SP4: variants seen among roughly 807,000 people sequenced by gnomAD.
SP4 encodes Sp4 transcription factor, also known as transcription factor Sp4.
Under a neutral mutation model 72.8 loss-of-function variants are expected in SP4, and 19 were observed. The observed-to-expected ratio is 0.26, with a 90% CI of 0.18 to 0.38. The LOEUF is 0.38. Among genes scored for constraint, SP4 ranks in the 10% least tolerant of loss-of-function variants. The pLI is 1.00. For missense variants in SP4, 1,008 were observed against 926.3 expected (o/e 1.09, Z -1.14); for synonymous variants, 395 against 333.1 (o/e 1.19, Z -2.02).
rs1252723895 is a variant in SP4, at chr7:21,511,181, G to C, written c.2267G>C (p.Gly756Ala). ...GACTCATCTGTTACAGAGGTGCTTG[G>C]CTCCCCAAGAATTGTCACAGTTGCA... ...ELDSSVTEVL[G>A]SPRIVTVAAI... Residue 756 changes from glycine to alanine, a missense_variant, in exon 6 of 6, where the codon GGC (glycine) becomes GCC (alanine). Physicochemically the swap from Gly to Ala is moderately conservative, Grantham distance 60. Transcript: ENST00000222584. 2.5e-6 allele frequency: 4 copies of C among 1,613,954 alleles called. No individual in the cohort carries two copies. The highest frequency in any genetic ancestry group is 1.1e-5 in the South Asian group (1 of 91,088).
chr7:21,476,012 T>A (rs1784489723), intron 3 of SP4, among the ~76,000 whole-genome samples: 1 of 152,158 alleles, frequency 6.6e-6, no homozygotes, highest in Non-Finnish European at 1.5e-5. Flanking sequence ...GGCTCACACC[T>A]GTAATTCCAG....
At chr7:21,442,821 T>C (rs1466253112) in intron 3 of SP4, among the ~76,000 whole-genome samples, 1 of 152,190 alleles carries the variant, frequency 6.6e-6, no homozygotes, top group Non-Finnish European at 1.5e-5. Flanking sequence ...CTGCAGCCTC[T>C]GCCTTCCGGG....
chr7:21,512,254 A>T lies in SP4; in HGVS notation c.*985A>T, dbSNP rs961870781. 2 of 152,610 alleles carry T rather than the reference A, an allele frequency of 1.3e-5. No individual in the cohort carries two copies. The highest frequency in any genetic ancestry group is 4.8e-5 in the African/African-American group (2 of 41,458). The allele number at this position is 152,610 out of a possible 1,614,324, so 9.5% of individuals were successfully genotyped here. A position where few individuals can be genotyped will look rare whatever the true frequency, so the allele number is the denominator to read the frequency against. On this transcript the variant is annotated 3_prime_UTR_variant, in exon 6 of 6. Transcript: ENST00000222584. Reference sequence around the variant, plus strand: ...ATGTGGTAGCCAAAGAAAGAATTACACTTTTTTCCAAGGCCAGCAGAAAAT... The same window carrying T: ...ATGTGGTAGCCAAAGAAAGAATTACTCTTTTTTCCAAGGCCAGCAGAAAAT...
intron 5 of SP4, among the ~76,000 whole-genome samples, chr7:21,493,948 A>T (rs998084575): frequency 2.6e-5 from 4 of 152,228 alleles, no homozygotes; most frequent in Non-Finnish European, 5.9e-5. Context: ...AGGATAATGC[A>T]TTGTTACGTA....
At chr7:21,509,524 G>A (rs1782091387) in intron 5 of SP4, among the ~76,000 whole-genome samples, 1 of 151,536 alleles carries the variant, frequency 6.6e-6, no homozygotes, top group Admixed American at 6.6e-5. Flanking sequence ...TTGGTGTGTG[G>A]TATGACATGG....
intron 5 of SP4, 67 bp downstream of exon 5, chr7:21,482,190 T>C: frequency 8.1e-7 from 1 of 1,234,634 alleles, no homozygotes; most frequent in Non-Finnish European, 1.2e-6. Context: ...ATTTTAGTGA[T>C]AGTTTAGCTA....
At chr7:21,493,733 G>C (rs778551275) in intron 5 of SP4, among the ~76,000 whole-genome samples, 2 of 152,022 alleles carry the variant, frequency 1.3e-5, no homozygotes, top group Non-Finnish European at 2.9e-5. Flanking sequence ...CTCTGGGCCC[G>C]TATGGTTTCA....
chr7:21,435,990 C>T (rs976416277), intron 3 of SP4, among the ~76,000 whole-genome samples: 19 of 152,116 alleles, frequency 1.2e-4, no homozygotes, highest in African/African-American at 4.6e-4. Flanking sequence ...CCTCCACCTC[C>T]TGGGTTCAAG....
chr7:21,487,621 T>C (rs1033651613), intron 5 of SP4, among the ~76,000 whole-genome samples: 1 of 152,114 alleles, frequency 6.6e-6, no homozygotes, highest in African/African-American at 2.4e-5. Context: ...CTTGCTGAAA[T>C]TATCTCAGTT....
At chr7:21,440,011 AAAGTT>A (rs1783190213) in intron 3 of SP4, among the ~76,000 whole-genome samples, 1 of 152,244 alleles carries the variant, frequency 6.6e-6, no homozygotes, top group African/African-American at 2.4e-5. Context: ...GGATGATAAT[AAAGTT>A]AAGGAGGTAA....
intron 5 of SP4, among the ~76,000 whole-genome samples, chr7:21,508,484 G>A (rs1368250061): frequency 2.6e-5 from 4 of 152,122 alleles, no homozygotes; most frequent in East Asian, 3.9e-4. Flanking sequence ...GCATCACCAC[G>A]CCCAGCTACT....
At chr7:21,434,437 A>G (rs1197953740) in intron 3 of SP4, among the ~76,000 whole-genome samples, 1 of 152,212 alleles carries the variant, frequency 6.6e-6, no homozygotes, top group African/African-American at 2.4e-5. Context: ...TCCTCTTCCC[A>G]TTAACAACGT....
rs1044699403 is a variant in SP4 at position 21,512,440 on chromosome 7, A to G, written c.*1171A>G. On this transcript the variant is annotated 3_prime_UTR_variant, in exon 6 of 6. Transcript: ENST00000222584. Reference sequence around the variant, plus strand: ...TTTTCCCTAAAAATTAGCCTAATATATAATAGATATATTATGAAGCAAAAC... The same window carrying G: ...TTTTCCCTAAAAATTAGCCTAATATGTAATAGATATATTATGAAGCAAAAC... The G allele has an allele frequency of 6.6e-6, 1 of 152,208 alleles. No individual in the cohort carries two copies. Among genetic ancestry groups the G allele is most frequent in the Non-Finnish European group, 1.5e-5 (1 of 68,030 alleles). The allele number at this position is 152,208 out of a possible 1,614,324, so 9.4% of individuals were successfully genotyped here. A position where few individuals can be genotyped will look rare whatever the true frequency, so the allele number is the denominator to read the frequency against.
At chr7:21,481,401 A>G (rs967555394) in intron 4 of SP4, among the ~76,000 whole-genome samples, 28 of 152,128 alleles carry the variant, frequency 1.8e-4, no homozygotes, top group African/African-American at 6.5e-4. Context: ...GTTCTTACCA[A>G]TTTCTGTGAG....
At chr7:21,443,855 T>C (rs1390301226) in intron 3 of SP4, among the ~76,000 whole-genome samples, 1 of 152,254 alleles carries the variant, frequency 6.6e-6, no homozygotes, top group Admixed American at 6.5e-5. Flanking sequence ...TTTCCAAATA[T>C]TTAAATCTAC....
intron 3 of SP4, among the ~76,000 whole-genome samples, chr7:21,444,239 A>C (rs1180892159): frequency 6.6e-6 from 1 of 152,216 alleles, no homozygotes; most frequent in Non-Finnish European, 1.5e-5. Flanking sequence ...TCCTGCTTCC[A>C]TAATATTCCA....
intron 3 of SP4, among the ~76,000 whole-genome samples, chr7:21,438,888 A>C (rs974391654): frequency 6.6e-6 from 1 of 152,212 alleles, no homozygotes; most frequent in Non-Finnish European, 1.5e-5. Flanking sequence ...TACTTTACAT[A>C]TTTATGGCCT....
chr7:21,506,861 G>A (rs1157323006), intron 5 of SP4, among the ~76,000 whole-genome samples: 6 of 152,202 alleles, frequency 3.9e-5, no homozygotes, highest in Non-Finnish European at 8.8e-5. Context: ...AATCGTGAAT[G>A]TGTCCTATGT....
At chr7:21,440,675 C>T (rs998657300) in intron 3 of SP4, among the ~76,000 whole-genome samples, 1 of 151,922 alleles carries the variant, frequency 6.6e-6, no homozygotes, top group Non-Finnish European at 1.5e-5. Flanking sequence ...CATGGTGAAA[C>T]CTGTCTCTAC....
Sources: allele counts gnomAD v4.1 joint callset (sites outside exome capture counted in the v4.1 genomes callset), GRCh38; gene constraint gnomAD v4.1.1; transcripts MANE v1.5; gene names NCBI Gene and HGNC (gene_info 2026-07-23, HGNC 2026-07-21).